CHRM5: variants seen among roughly 807,000 people sequenced by gnomAD.
CHRM5 encodes the protein cholinergic receptor muscarinic 5, also known as muscarinic acetylcholine receptor M5.
In CHRM5, 18 loss-of-function variants were observed where a neutral mutation model predicts 39.0. The observed-to-expected ratio is 0.46, with a 90% confidence interval of 0.32 to 0.68. The LOEUF (loss-of-function observed/expected upper bound fraction) is 0.68, where lower values mean the gene tolerates loss of function less well. CHRM5 is among the 30% of genes least tolerant of loss of function. CHRM5 has a pLI of 0.04. For missense variants in CHRM5, 515 were observed against 651.1 expected (o/e 0.79, Z 2.28); for synonymous variants, 241 against 246.3 (o/e 0.98, Z 0.20).
At chr15:34,050,224 T>A (rs987999419) in intron 2 of CHRM5, among the ~76,000 whole-genome samples, 1 of 152,112 alleles carries the variant, frequency 6.6e-6, no homozygotes, top group Non-Finnish European at 1.5e-5. Flanking sequence ...CAGACCAGAA[T>A]TTCAGATCCA....
rs1900427635 is a variant in CHRM5, at chr15:34,063,693, A to G, written c.976A>G (p.Lys326Glu). The G allele has an allele frequency of 1.2e-6, 2 of 1,614,174 alleles. No homozygotes were observed. Among genetic ancestry groups the G allele is most frequent in the East Asian group, 4.5e-5 (2 of 44,880 alleles). The change falls in exon 3 of 3, where the codon AAG (lysine) becomes GAG (glutamate). Residue 326 changes from lysine to glutamate, a missense_variant. Transcript: ENST00000383263. This position sits in a 1 kb window ranked among gnomAD's most constrained non-coding sequence, Gnocchi z 4.1. ...TGACCCTGTCCTCCAAGTGGTCTACAAGAGTCAGGGTAAGGAAAGCCCAGG... is the reference window on the plus strand; with the variant it reads ...TGACCCTGTCCTCCAAGTGGTCTACGAGAGTCAGGGTAAGGAAAGCCCAGG... ...ATDPVLQVVY[K>E]SQGKESPGEE...
intron 1 of CHRM5, among the ~76,000 whole-genome samples, chr15:33,987,794 T>C (rs1002878258): frequency 6.6e-6 from 1 of 152,184 alleles, no homozygotes; most frequent in African/African-American, 2.4e-5. Flanking sequence ...AGAAGATTCA[T>C]AATCAGCGCT....
At chr15:34,056,938 T>C (rs1056684571) in intron 2 of CHRM5, among the ~76,000 whole-genome samples, 2 of 151,634 alleles carry the variant, frequency 1.3e-5, no homozygotes, top group Non-Finnish European at 2.9e-5. Context: ...ACTCAGGAGG[T>C]TAAGGTGGGG....
intron 1 of CHRM5, among the ~76,000 whole-genome samples, chr15:34,024,260 A>C (rs1322722760): frequency 6.6e-6 from 1 of 152,216 alleles, no homozygotes; most frequent in Non-Finnish European, 1.5e-5. Flanking sequence ...TAATGCTATT[A>C]TAAATACATA....
chr15:34,053,320 ATATAT>A (rs1335948910), intron 2 of CHRM5, among the ~76,000 whole-genome samples: 6 of 31,098 alleles, frequency 1.9e-4, no homozygotes, highest in Non-Finnish European at 4.3e-4. Context: ...AAAAAAAAAA[ATATAT>A]ATATATATAT....
At chr15:33,978,917 G>C (rs1279912538) in intron 1 of CHRM5, among the ~76,000 whole-genome samples, 3 of 110,644 alleles carry the variant, frequency 2.7e-5, no homozygotes, top group Non-Finnish European at 6.3e-5. Context: ...GGAAAGAGAT[G>C]TATGTCCATG....
At chr15:34,052,373 G>C (rs1899954883) in intron 2 of CHRM5, among the ~76,000 whole-genome samples, 1 of 152,104 alleles carries the variant, frequency 6.6e-6, no homozygotes, top group Non-Finnish European at 1.5e-5. Context: ...ACCTGTGACA[G>C]ACTCACAGCC....
intron 1 of CHRM5, among the ~76,000 whole-genome samples, chr15:34,027,725 C>T (rs1454824527): frequency 6.6e-6 from 1 of 151,444 alleles, no homozygotes; most frequent in Non-Finnish European, 1.5e-5. Flanking sequence ...AGACTCATTT[C>T]ACTCTGTGCA....
At chr15:33,978,476 C>G (rs1004582665) in intron 1 of CHRM5, among the ~76,000 whole-genome samples, 2 of 152,096 alleles carry the variant, frequency 1.3e-5, no homozygotes, top group Admixed American at 1.3e-4. Flanking sequence ...CCAGCCTGAT[C>G]AACATGGTGA....
chr15:34,039,203 G>T, intron 1 of CHRM5: 1 of 566,432 alleles, frequency 1.8e-6, no homozygotes, highest in Non-Finnish European at 2.3e-6. Context: ...GCCGGCCGCA[G>T]CGGAGCGGGG....
intron 1 of CHRM5, among the ~76,000 whole-genome samples, chr15:33,997,782 C>G (rs549458474): frequency 1.3e-5 from 2 of 152,222 alleles, no homozygotes; most frequent in East Asian, 3.9e-4. Flanking sequence ...TGCATTTGCT[C>G]TGCTAAACTG....
chr15:33,978,558 G>A (rs1895995664), intron 1 of CHRM5, among the ~76,000 whole-genome samples: 1 of 152,110 alleles, frequency 6.6e-6, no homozygotes. Context: ...AGCTACTTGG[G>A]AGGCTAAGAC....
intron 1 of CHRM5, among the ~76,000 whole-genome samples, chr15:34,033,944 T>C (rs1898985127): frequency 6.6e-6 from 1 of 152,090 alleles, no homozygotes; most frequent in Non-Finnish European, 1.5e-5. Context: ...CGCGCCACCA[T>C]GCCCAGCTAA....
At chr15:34,009,651 C>G (rs1392489445) in intron 1 of CHRM5, among the ~76,000 whole-genome samples, 1 of 151,922 alleles carries the variant, frequency 6.6e-6, no homozygotes, top group Non-Finnish European at 1.5e-5. Flanking sequence ...GTTATAAAGA[C>G]CAAGAAGGCT....
At chr15:33,995,629 A>G (rs1896901464) in intron 1 of CHRM5, among the ~76,000 whole-genome samples, 2 of 152,374 alleles carry the variant, frequency 1.3e-5, no homozygotes, top group Non-Finnish European at 2.9e-5. Context: ...GTTTCTGCTC[A>G]GACATTTTTC....
At chr15:34,002,965 A>T in intron 1 of CHRM5, 2 of 1,355,512 alleles carry the variant, frequency 1.5e-6, no homozygotes, top group Non-Finnish European at 2.0e-6. Context: ...AGAATTTAAA[A>T]ACATATATAA....
intron 2 of CHRM5, among the ~76,000 whole-genome samples, chr15:34,059,176 C>T (rs1351060064): frequency 6.6e-6 from 1 of 152,120 alleles, no homozygotes; most frequent in African/African-American, 2.4e-5. Flanking sequence ...GGATTACAGG[C>T]GTGAGCCACC....
At chr15:34,011,738 T>C (rs1416995180) in intron 1 of CHRM5, among the ~76,000 whole-genome samples, 3 of 152,190 alleles carry the variant, frequency 2.0e-5, no homozygotes, top group Admixed American at 6.5e-5. Context: ...TAAGTCCTTA[T>C]ATCTTTCTCA....
rs541846772 is a variant in CHRM5, at chr15:34,064,028, G to A, written c.1311G>A (p.Glu437=). ...GAAAGAGAGTGGTCCTAGTCAAAGA[G>A]AGGAAAGCAGCCCAGACACTGAGTG... ...TKRKRVVLVK[E]RKAAQTLSAI... The change falls in exon 3 of 3, where the codon GAG becomes GAA. Residue 437 remains glutamate, a synonymous_variant. Transcript: ENST00000383263. The A allele has an allele frequency of 3.1e-6, 5 of 1,614,202 alleles. No individual in the cohort carries two copies. The South Asian group carries it at 4.4e-5, about 14-fold the overall frequency.
Sources: allele counts gnomAD v4.1 joint callset (sites outside exome capture counted in the v4.1 genomes callset), GRCh38; gene constraint gnomAD v4.1.1; non-coding constraint Gnocchi (gnomAD v3.1); transcripts MANE v1.5; gene names NCBI Gene and HGNC (gene_info 2026-07-23, HGNC 2026-07-21).